The following LIG1 variants were observed in gnomAD, a reference collection of about 807,000 sequenced individuals.
LIG1 encodes the protein ligase I, DNA, ATP-dependent.
In LIG1, 70 loss-of-function variants were observed where a neutral mutation model predicts 115.7. The ratio of observed to expected loss-of-function variants is 0.60; its 90% confidence interval spans 0.50 to 0.74. The LOEUF (loss-of-function observed/expected upper bound fraction) is 0.74. Ranked by LOEUF, LIG1 falls within the 30% of genes least tolerant of loss-of-function variation. The pLI, the probability that LIG1 is intolerant of heterozygous loss-of-function variation, is 0.00. For synonymous variants in LIG1, 487 were observed against 495.3 expected (o/e 0.98, Z 0.22); for missense variants, 1,115 against 1,225.6 (o/e 0.91, Z 1.35).
intron 9 of LIG1, among the ~76,000 whole-genome samples, chr19:48,144,248 G>A (rs760396922): frequency 5.9e-5 from 9 of 152,186 alleles, no homozygotes; most frequent in Non-Finnish European, 8.8e-5. Context: ...CTGCTTCACA[G>A]GGTGGTCAGG....
At position 48,162,329 on chromosome 19, in the gene LIG1, C is replaced by G. The variant is rs1201081352; in HGVS notation, c.40G>C (p.Glu14Gln). The G allele has an allele frequency of 6.2e-7, 1 of 1,613,758 alleles. No individual in the cohort carries two copies. The highest frequency in any genetic ancestry group is 1.1e-5 in the South Asian group (1 of 91,072). The change falls in exon 3 of 28, where the codon GAG becomes CAG. Residue 14 changes from glutamate (E) to glutamine (Q), a missense_variant. Coordinates refer to ENST00000263274, the MANE Select transcript of LIG1 (RefSeq NM_000234.3). ...SIMSFFHPKK[E>Q]GKAKKPEKEA... ...TTCTCAGGCTTCTTTGCTTTACCCTCTTTCTTGGGGTGGAAAAATGACCTA... is the reference window on the plus strand; with the variant it reads ...TTCTCAGGCTTCTTTGCTTTACCCTGTTTCTTGGGGTGGAAAAATGACCTA...
At chr19:48,149,520 T>C (rs1002037501) in intron 9 of LIG1, among the ~76,000 whole-genome samples, 1 of 152,170 alleles carries the variant, frequency 6.6e-6, no homozygotes, top group Admixed American at 6.5e-5. Flanking sequence ...AGAGGGTGGC[T>C]GGGGCCACGG....
rs537466863 is a variant in LIG1 at position 48,123,009 on chromosome 19, G to A, written c.2157C>T (p.Cys719=). 34 of 1,613,834 alleles carry A rather than the reference G, an allele frequency of 2.1e-5. No individual in the cohort carries two copies. The highest frequency in any genetic ancestry group is 4.5e-5 in the East Asian group (2 of 44,872). ...EFLEQSVKDS[C]EGLMVKTLDV... ...CCAGGGTCTTCACCATCAGCCCCTC[G>A]CAGGAGTCTGAGGGAGACACAGAAG... Residue 719 remains cysteine, a synonymous_variant, in exon 23 of 28, where the codon TGC becomes TGT. Transcript: ENST00000263274.
intron 9 of LIG1, among the ~76,000 whole-genome samples, chr19:48,145,212 C>A (rs551242687): frequency 2.0e-5 from 3 of 152,156 alleles, no homozygotes; most frequent in Non-Finnish European, 4.4e-5. Context: ...ACCTTTATAT[C>A]GTAAGTAGCT....
chr19:48,125,362 T>C lies in LIG1; in HGVS notation c.2004+1915A>G, dbSNP rs145063436. Among the ~76,000 whole-genome samples the C allele has an allele frequency of 5.5e-3, 834 of 152,332 alleles. 5 individuals are homozygous for C. Among genetic ancestry groups the C allele is most frequent in the Non-Finnish European group, 0.01 (704 of 68,022 alleles). On this transcript the variant is annotated intron_variant, in intron 21 of 27. Coordinates refer to ENST00000263274, the MANE Select transcript of LIG1 (RefSeq NM_000234.3). ...ATCACGGGAAACAAAAATCAGACTC[T>C]GACTGTCTTCCTACAGTAATTTCAT...
chr19:48,154,314 A>G (rs1216374063), intron 5 of LIG1: 2 of 348,274 alleles, frequency 5.7e-6, no homozygotes, highest in Admixed American at 7.6e-5. Context: ...ACTGCCTCCA[A>G]GTGTTCCAGA....
intron 1 of LIG1, 151 bp downstream of exon 1, chr19:48,170,090 C>G (rs2036726819): frequency 2.4e-6 from 1 of 410,596 alleles, no homozygotes; most frequent in South Asian, 1.7e-5. Context: ...CCGCAGCCCG[C>G]GCTCTTCCGT....
chr19:48,150,107 C>A lies in LIG1; in HGVS notation c.678G>T (p.Lys226Asn). ...ACTCACTGAAGAAGCTGCTGAGCGT[C>A]TTGGGAGCTCTGCGGGGAGGCTTGG... ...EQTKPPRRAP[K>N]TLSSFFTPRK... The change falls in exon 8 of 28, where the codon AAG (lysine) becomes AAT (asparagine). Residue 226 changes from lysine (K) to asparagine (N), a missense_variant. Transcript: ENST00000263274. 6.2e-7 allele frequency: 1 copy of A among 1,614,212 alleles called. No individual in the cohort carries two copies. Among genetic ancestry groups the A allele is most frequent in the South Asian group, 1.1e-5 (1 of 91,084 alleles).
At chr19:48,128,486 ACT>A (rs2033815135) in intron 19 of LIG1, among the ~76,000 whole-genome samples, 1 of 150,898 alleles carries the variant, frequency 6.6e-6, no homozygotes, top group Non-Finnish European at 1.5e-5. Context: ...AGCTGGGGGG[ACT>A]CTCCCGGGTC....
chr19:48,135,743 T>C lies in LIG1; in HGVS notation c.1460A>G (p.Lys487Arg), dbSNP rs112555243. ...CCACGTCTTTCTGGCCTCTGCTGTC[T>C]TGCCCTTCCCAGCATCCACCATGGC... ...PPAMVDAGKG[K>R]TAEARKTWLE... The change falls in exon 16 of 28, where the codon AAG (lysine) becomes AGG (arginine). Residue 487 changes from lysine to arginine, a missense_variant. Coordinates refer to ENST00000263274, the MANE Select transcript of LIG1 (RefSeq NM_000234.3). 2.5e-6 allele frequency: 4 copies of C among 1,614,086 alleles called. No homozygotes were observed. The highest frequency in any genetic ancestry group is 2.5e-6 in the Non-Finnish European group (3 of 1,180,032).
chr19:48,127,746 A>T, intron 20 of LIG1, 164 bp downstream of exon 20: 1 of 754,976 alleles, frequency 1.3e-6, no homozygotes, highest in South Asian at 1.4e-5. Context: ...CTGGGATGAG[A>T]ATGCGATGGC....
intron 4 of LIG1, among the ~76,000 whole-genome samples, chr19:48,159,969 G>A (rs1253300659): frequency 6.6e-6 from 1 of 152,024 alleles, no homozygotes; most frequent in South Asian, 2.1e-4. Flanking sequence ...TGCCTGCCTC[G>A]GCCTCCCAAA....
intron 7 of LIG1, among the ~76,000 whole-genome samples, chr19:48,150,629 G>A (rs1430329584): frequency 1.3e-5 from 2 of 152,176 alleles, no homozygotes; most frequent in African/African-American, 4.8e-5. Context: ...AACTCAGTTT[G>A]GTTGTCTAAC....
Position 48,124,981 on chromosome 19 carries a change from C to T in LIG1, c.2005-1663G>A, listed in dbSNP as rs139431713. Among the ~76,000 whole-genome samples, 1,254 of 150,478 alleles carry T rather than the reference C, an allele frequency of 8.3e-3. 7 individuals carry two copies. Among genetic ancestry groups the T allele is most frequent in the Non-Finnish European group, 0.014 (974 of 67,916 alleles). ...AGTGAGCCAAGATCACACCACTGCA[C>T]TCCAGCCTGGGCGACAGAGACTGTG... On this transcript the variant is annotated intron_variant, in intron 21 of 27. Coordinates refer to ENST00000263274, the MANE Select transcript of LIG1 (RefSeq NM_000234.3).
chr19:48,122,950 G>C lies in LIG1; in HGVS notation c.2216C>G (p.Ser739Trp). The change falls in exon 23 of 28, where the codon TCG (serine) becomes TGG (tryptophan). Residue 739 changes from serine to tryptophan, a missense_variant. Physicochemically the swap from Ser to Trp is radical, Grantham distance 177. Transcript: ENST00000263274. The surrounding 1 kb of genome is among the most constrained non-coding windows in gnomAD (Gnocchi z 4.3). ...GAGAATCACCTTGAGCCAGTTGTGCGATCTCTTGGCGATCTCGTAGGTGGC... is the reference window on the plus strand; with the variant it reads ...GAGAATCACCTTGAGCCAGTTGTGCCATCTCTTGGCGATCTCGTAGGTGGC... The part of the protein sequence containing the change: ...VDATYEIAKR[S>W]HNWLKLKKDY... 5.0e-6 allele frequency: 8 copies of C among 1,613,538 alleles called. No individual in the cohort carries two copies. Among genetic ancestry groups the C allele is most frequent in the Non-Finnish European group, 6.8e-6 (8 of 1,179,914 alleles).
chr19:48,137,789 T>C lies in LIG1; in HGVS notation c.1088-101A>G. 1.4e-6 allele frequency: 2 copies of C among 1,418,062 alleles called. No individual in the cohort carries two copies. Among genetic ancestry groups the C allele is most frequent in the Non-Finnish European group, 9.7e-7 (1 of 1,035,156 alleles). 87.8% of individuals were successfully genotyped at this position (1,418,062 alleles called of 1,614,324 possible). A position where few individuals can be genotyped will look rare whatever the true frequency, so the allele number is the denominator to read the frequency against. ...ATGAATTTTCTCCAGCTGTGTGTGC[T>C]TGTGGCGAGTCCCTGCACCTCCCTG... On this transcript the variant is annotated intron_variant, in intron 12 of 27. Transcript: ENST00000263274. This position sits in a 1 kb window ranked among gnomAD's most constrained non-coding sequence, Gnocchi z 4.3.
chr19:48,155,086 C>T (rs548138640), intron 5 of LIG1, among the ~76,000 whole-genome samples: 1 of 152,134 alleles, frequency 6.6e-6, no homozygotes, highest in Non-Finnish European at 1.5e-5. Context: ...CCCTGACACA[C>T]CCCCAGGGCC....
chr19:48,123,894 A>G (rs896291130), intron 21 of LIG1, among the ~76,000 whole-genome samples: 1 of 152,160 alleles, frequency 6.6e-6, no homozygotes, highest in Non-Finnish European at 1.5e-5. Context: ...TAGAATTCCA[A>G]AAGTTTTCAC....
intron 20 of LIG1, 74 bp from the exon 21 acceptor site, chr19:48,127,422 T>G: frequency 7.5e-7 from 1 of 1,326,194 alleles, no homozygotes; most frequent in Non-Finnish European, 1.1e-6. Context: ...CCGACAGCAT[T>G]CATCTACCGG....
Sources: allele counts gnomAD v4.1 joint callset (sites outside exome capture counted in the v4.1 genomes callset), GRCh38; gene constraint gnomAD v4.1.1; non-coding constraint Gnocchi (gnomAD v3.1); transcripts MANE v1.5; gene names NCBI Gene and HGNC (gene_info 2026-07-23, HGNC 2026-07-21).